Variants in CCDC171 observed in about 807,000 individuals in gnomAD.
The protein encoded by CCDC171 is coiled-coil domain containing 171, also known as coiled-coil domain-containing protein 171.
CCDC171 carries 177 observed loss-of-function variants against 168.2 expected under a neutral mutation model. That is an observed-to-expected ratio of 1.05 (90% confidence interval 0.93 to 1.19). The LOEUF (loss-of-function observed/expected upper bound fraction) is 1.19, where lower values mean the gene tolerates loss of function less well. CCDC171 is among the 50% of genes most tolerant of loss of function. The pLI is 0.00. For missense variants in CCDC171, 1,991 were observed against 1,539.0 expected, an observed-to-expected ratio of 1.29 and a Z score of -4.91; for synonymous variants, 687 against 540.8, an observed-to-expected ratio of 1.27 and a Z score of -3.75.
chr9:15,862,179 T>TG (rs1554653387), intron 23 of CCDC171, among the ~76,000 whole-genome samples: 67 of 151,466 alleles, frequency 4.4e-4, no homozygotes, highest in African/African-American at 1.6e-3. Flanking sequence ...TTTTTTGAAT[T>TG]AAAAAAAGAA....
At chr9:15,583,970 C>T (rs773200776) in intron 4 of CCDC171, among the ~76,000 whole-genome samples, 18 of 152,242 alleles carry the variant, frequency 1.2e-4, no homozygotes, top group Non-Finnish European at 5.9e-5. Flanking sequence ...CGGGTTCAAG[C>T]AATTCTCTGC....
At chr9:15,862,445 G>A (rs2061601646) in intron 23 of CCDC171, among the ~76,000 whole-genome samples, 1 of 151,504 alleles carries the variant, frequency 6.6e-6, no homozygotes, top group Non-Finnish European at 1.5e-5. Flanking sequence ...CTTTGTTCAT[G>A]TATTATTTTT....
chr9:15,749,282 T>TA (rs1172257421), intron 18 of CCDC171, among the ~76,000 whole-genome samples: 2 of 152,136 alleles, frequency 1.3e-5, no homozygotes, highest in African/African-American at 4.8e-5. Flanking sequence ...CTATCCTAAA[T>TA]ATATATGCAC....
chr9:15,905,470 CCAA>C (rs1822427926), intron 24 of CCDC171, among the ~76,000 whole-genome samples: 1 of 152,048 alleles, frequency 6.6e-6, no homozygotes, highest in African/African-American at 2.4e-5. Context: ...TTCTTTGAAA[CCAA>C]CGAGAACAAA....
intron 7 of CCDC171, among the ~76,000 whole-genome samples, chr9:15,651,547 A>G (rs182872505): frequency 6.6e-6 from 1 of 152,132 alleles, no homozygotes; most frequent in East Asian, 1.9e-4. Flanking sequence ...ATGAGCCACC[A>G]TGCCCAGCCG....
chr9:15,788,514 A>C (rs1238709461), intron 21 of CCDC171, among the ~76,000 whole-genome samples: 1 of 150,808 alleles, frequency 6.6e-6, no homozygotes, highest in Admixed American at 6.6e-5. Context: ...AAAAAAAAAC[A>C]AGCTATCTAT....
intron 24 of CCDC171, among the ~76,000 whole-genome samples, chr9:15,888,355 A>T (rs1474725260): frequency 6.6e-6 from 1 of 152,170 alleles, no homozygotes; most frequent in Non-Finnish European, 1.5e-5. Flanking sequence ...ATGTTCAACA[A>T]CTTTAGTGTT....
chr9:15,972,067 T>G lies in CCDC171; in HGVS notation c.*231T>G. On this transcript the variant is annotated 3_prime_UTR_variant, in exon 26 of 26. Transcript: ENST00000380701. ...CACAGTTGCTCATTTTTATGTAACA[T>G]ATTTTTAAATGTTAAGGAATGACAC... is the stretch of plus-strand genomic sequence containing the variant. 1 of 497,082 alleles carries G rather than the reference T, an allele frequency of 2.0e-6. No individual in the cohort carries two copies. Among genetic ancestry groups the G allele is most frequent in the South Asian group, 3.1e-5 (1 of 32,016 alleles). The allele number at this position is 497,082 out of a possible 1,614,324, so 30.8% of individuals were successfully genotyped here.
At chr9:15,938,340 A>G (rs760012645) in intron 25 of CCDC171, among the ~76,000 whole-genome samples, 18 of 151,890 alleles carry the variant, frequency 1.2e-4, no homozygotes, top group Non-Finnish European at 2.4e-4. Context: ...AGAATGACCA[A>G]GTTTACATGG....
chr9:16,072,463 A>G, the CCDC171 span, among the ~76,000 whole-genome samples: 2 of 151,958 alleles, frequency 1.3e-5, no homozygotes, highest in South Asian at 4.2e-4. Context: ...CCTTTTCCTT[A>G]TCTTACCTTG....
intron 3 of CCDC171, among the ~76,000 whole-genome samples, chr9:15,982,902 C>T (rs1231607793): frequency 2.6e-5 from 4 of 152,130 alleles, no homozygotes; most frequent in Non-Finnish European, 5.9e-5. Context: ...GTAGATTCTG[C>T]AAGAAGGTGA....
chr9:15,615,875 C>T (rs1223227591), intron 6 of CCDC171, among the ~76,000 whole-genome samples: 2 of 151,404 alleles, frequency 1.3e-5, no homozygotes, highest in Non-Finnish European at 2.9e-5. Flanking sequence ...GCCTCCTAGG[C>T]ACAAGTGATC....
At chr9:16,085,541 C>A in the CCDC171 span, among the ~76,000 whole-genome samples, 4 of 152,170 alleles carry the variant, frequency 2.6e-5, no homozygotes, top group South Asian at 2.1e-4. Context: ...TGCCAGGAAC[C>A]GATGCTGGAG....
At chr9:15,817,120 T>C (rs1281161501) in intron 21 of CCDC171, among the ~76,000 whole-genome samples, 1 of 117,240 alleles carries the variant, frequency 8.5e-6, no homozygotes, top group African/African-American at 3.2e-5. Context: ...TGGCATTGGC[T>C]GTCATTAGGT....
chr9:15,989,414 A>G (rs1832111182), intron 3 of CCDC171, among the ~76,000 whole-genome samples: 1 of 152,210 alleles, frequency 6.6e-6, no homozygotes, highest in Admixed American at 6.5e-5. Flanking sequence ...ATCCACACCA[A>G]AACCACATCT....
chr9:15,925,562 G>T (rs989078129), intron 25 of CCDC171, among the ~76,000 whole-genome samples: 4 of 151,566 alleles, frequency 2.6e-5, no homozygotes, highest in Admixed American at 1.3e-4. Context: ...TTTTAAAAAA[G>T]ATCACTTTGG....
At chr9:15,730,702 C>A (rs1193729365) in intron 16 of CCDC171, among the ~76,000 whole-genome samples, 1 of 151,480 alleles carries the variant, frequency 6.6e-6, no homozygotes, top group Non-Finnish European at 1.5e-5. Flanking sequence ...TTCTGTATCC[C>A]CAAATTTAAA....
chr9:15,985,785 A>G (rs1009015127), intron 3 of CCDC171, among the ~76,000 whole-genome samples: 6 of 152,206 alleles, frequency 3.9e-5, no homozygotes, highest in Non-Finnish European at 7.3e-5. Flanking sequence ...GTACTTATTT[A>G]AAAGATAGAA....
intron 25 of CCDC171, among the ~76,000 whole-genome samples, chr9:15,969,465 T>G (rs1305060420): frequency 1.3e-5 from 2 of 152,150 alleles, no homozygotes; most frequent in Non-Finnish European, 2.9e-5. Context: ...ACAGGAATGG[T>G]TGGTCAGTTT....
Sources: gnomAD v4.1 joint callset for allele counts (sites outside exome capture counted in the v4.1 genomes callset) on GRCh38, gnomAD v4.1.1 for gene constraint, MANE v1.5 for transcripts, NCBI Gene and HGNC (gene_info 2026-07-23, HGNC 2026-07-21) for gene names.